The following SPOP variants were observed in gnomAD, a reference collection of about 807,000 sequenced individuals.
SPOP encodes the protein speckle type BTB/POZ protein, also known as speckle-type POZ protein.
Under a neutral mutation model 45.6 loss-of-function variants are expected in SPOP, and 11 were observed. The observed-to-expected ratio is 0.24, with a 90% CI of 0.15 to 0.40. SPOP has a LOEUF of 0.40. Among genes scored for constraint, SPOP ranks in the 10% least tolerant of loss-of-function variants. SPOP has a pLI of 1.00. For missense variants in SPOP, 152 were observed against 465.6 expected, an observed-to-expected ratio of 0.33 and a Z score of 6.20; for synonymous variants, 166 against 166.3, an observed-to-expected ratio of 1.00 and a Z score of 0.01.
chr17:49,607,831 T>C (rs1157709370), intron 7 of SPOP, 43 bp downstream of exon 7: 4 of 1,573,286 alleles, frequency 2.5e-6, no homozygotes, highest in Admixed American at 1.7e-5. Context: ...CATCTGACTC[T>C]AGATACCTGG....
intron 1 of SPOP, among the ~76,000 whole-genome samples, chr17:49,648,577 A>C (rs1299283842): frequency 1.3e-5 from 2 of 152,112 alleles, no homozygotes; most frequent in Non-Finnish European, 2.9e-5. Flanking sequence ...ATGTGACTTA[A>C]TCCTCTACAC....
At chr17:49,605,989 CAAAA>C (rs564333269) in intron 8 of SPOP, among the ~76,000 whole-genome samples, 1 of 136,140 alleles carries the variant, frequency 7.3e-6, no homozygotes, top group Non-Finnish European at 1.6e-5. Context: ...ACTCCCTTCT[CAAAA>C]AAAAAAAAAT....
chr17:49,661,576 A>G (rs557395848), intron 1 of SPOP, among the ~76,000 whole-genome samples: 1 of 152,270 alleles, frequency 6.6e-6, no homozygotes, highest in East Asian at 1.9e-4. Flanking sequence ...TAAGCACCAA[A>G]CATATAATAC....
At chr17:49,622,115 G>GA (rs1253842834) in intron 2 of SPOP, 48 bp from the exon 3 acceptor site, 45 of 1,597,690 alleles carry the variant, frequency 2.8e-5, no homozygotes, top group Non-Finnish European at 3.7e-5. Context: ...TGGACAACCT[G>GA]AAAAAACAGG....
At chr17:49,638,809 C>T (rs577051420) in intron 1 of SPOP, among the ~76,000 whole-genome samples, 3 of 152,164 alleles carry the variant, frequency 2.0e-5, no homozygotes, top group South Asian at 2.1e-4. Flanking sequence ...GTCAGGAGTT[C>T]GAGACTAGCC....
At chr17:49,669,970 C>T (rs1026057672) in intron 1 of SPOP, among the ~76,000 whole-genome samples, 1 of 152,064 alleles carries the variant, frequency 6.6e-6, no homozygotes, top group African/African-American at 2.4e-5. Flanking sequence ...AGATTAGAGG[C>T]TTTCAAAGAA....
At chr17:49,630,939 T>C (rs2072439903) in intron 1 of SPOP, among the ~76,000 whole-genome samples, 1 of 152,194 alleles carries the variant, frequency 6.6e-6, no homozygotes, top group South Asian at 2.1e-4. Flanking sequence ...TCATTCAAGA[T>C]AAAAATGCAA....
intron 1 of SPOP, among the ~76,000 whole-genome samples, chr17:49,670,305 G>C (rs1407627560): frequency 6.6e-6 from 1 of 152,228 alleles, no homozygotes; most frequent in African/African-American, 2.4e-5. Flanking sequence ...ATTGGCAAAT[G>C]TGTCAGAATA....
chr17:49,666,448 GAC>G (rs36210011), intron 1 of SPOP, among the ~76,000 whole-genome samples: 21,525 of 141,826 alleles, frequency 0.15, 1,549 homozygotes, highest in East Asian at 0.24. Flanking sequence ...CATGAAGACA[GAC>G]ACACACACAC....
At chr17:49,623,796 CT>C (rs2072268239) in intron 1 of SPOP, among the ~76,000 whole-genome samples, 1 of 152,140 alleles carries the variant, frequency 6.6e-6, no homozygotes, top group Non-Finnish European at 1.5e-5. Flanking sequence ...ATTCCTCAGT[CT>C]CCTTTACTAG....
chr17:49,626,768 TAA>T (rs1413851875), intron 1 of SPOP, among the ~76,000 whole-genome samples: 1 of 152,150 alleles, frequency 6.6e-6, no homozygotes, highest in East Asian at 1.9e-4. Flanking sequence ...ACACGGAGAT[TAA>T]TAAACTACAG....
rs535455552 is a variant in SPOP, at chr17:49,615,346, C to T, written c.480+3635G>A. 5.9e-5 allele frequency among the ~76,000 whole-genome samples: 9 copies of T among 152,190 alleles called. No individual in the cohort carries two copies. In the South Asian group the frequency reaches 1.9e-3, roughly 32 times the overall value. On this transcript the variant is annotated intron_variant, in intron 5 of 9. Transcript: ENST00000504102. ...ATGGTAAAGTTGGAATACAATGCTT[C>T]TTTATTGCTAATGGCTATTTGTTTT... is the stretch of plus-strand genomic sequence containing the variant.
intron 8 of SPOP, among the ~76,000 whole-genome samples, chr17:49,605,809 G>A (rs961143625): frequency 4.6e-5 from 7 of 151,878 alleles, no homozygotes; most frequent in African/African-American, 7.3e-5. Context: ...CCAACATGGC[G>A]AAACCCCATC....
chr17:49,610,270 G>C (rs2071943445), intron 6 of SPOP, among the ~76,000 whole-genome samples: 1 of 151,712 alleles, frequency 6.6e-6, no homozygotes, highest in Admixed American at 6.6e-5. Flanking sequence ...CCAGGCTGGA[G>C]TGCAGTGGCA....
chr17:49,652,472 G>A (rs930164189), intron 1 of SPOP, among the ~76,000 whole-genome samples: 1 of 152,142 alleles, frequency 6.6e-6, no homozygotes, highest in African/African-American at 2.4e-5. Flanking sequence ...TTTGAATAAG[G>A]AGAAAGTGTT....
intron 1 of SPOP, among the ~76,000 whole-genome samples, chr17:49,625,887 CTT>C (rs1412123304): frequency 1.3e-5 from 2 of 152,122 alleles, no homozygotes; most frequent in African/African-American, 4.8e-5. Context: ...AAGTTTATCT[CTT>C]GTGATTCTTT....
At chr17:49,653,416 A>G (rs2072868024) in intron 1 of SPOP, among the ~76,000 whole-genome samples, 1 of 152,022 alleles carries the variant, frequency 6.6e-6, no homozygotes, top group Non-Finnish European at 1.5e-5. Flanking sequence ...CAGCATATAT[A>G]TATATAAAAT....
intron 1 of SPOP, among the ~76,000 whole-genome samples, chr17:49,626,981 C>T (rs1190796875): frequency 6.6e-6 from 1 of 152,082 alleles, no homozygotes; most frequent in Non-Finnish European, 1.5e-5. Flanking sequence ...TCCTGAGTTG[C>T]TGGGACTACA....
intron 1 of SPOP, among the ~76,000 whole-genome samples, chr17:49,652,978 G>A (rs1284475428): frequency 6.6e-6 from 1 of 152,110 alleles, no homozygotes; most frequent in South Asian, 2.1e-4. Flanking sequence ...AGAAATGGAC[G>A]TCAGTTAAAT....
Sources: allele counts gnomAD v4.1 joint callset (sites outside exome capture counted in the v4.1 genomes callset), GRCh38; gene constraint gnomAD v4.1.1; transcripts MANE v1.5; gene names NCBI Gene and HGNC (gene_info 2026-07-23, HGNC 2026-07-21).